Variants in MARCHF3 observed in about 807,000 individuals in gnomAD.
MARCHF3 encodes E3 ubiquitin-protein ligase MARCHF3.
MARCHF3 carries 13 observed loss-of-function variants against 24.2 expected under a neutral mutation model. The observed-to-expected ratio is 0.54, with a 90% confidence interval of 0.35 to 0.85. MARCHF3 has a LOEUF of 0.85. Among genes scored for constraint, MARCHF3 ranks in the 40% least tolerant of loss-of-function variants. MARCHF3 has a pLI of 0.01. For synonymous variants in MARCHF3, 144 were observed against 137.3 expected (o/e 1.05, Z -0.34); for missense variants, 276 against 325.0 (o/e 0.85, Z 1.16).
In MARCHF3 at chr5:126,922,710, C is replaced by T. The variant is rs1749159041; in HGVS notation, c.-56-4483G>A. Among the ~76,000 whole-genome samples, 3 of 151,954 alleles carry T rather than the reference C, an allele frequency of 2.0e-5. No individual in the cohort carries two copies. The South Asian group carries it at 6.2e-4, about 32-fold the overall frequency. On this transcript the variant is annotated intron_variant, in intron 1 of 4. Transcript: ENST00000308660. ...TACAGGTGCATGCCACCATGCCTGG[C>T]TAATTTTTTATATTTTTAGTAGAGA...
chr5:126,909,592 G>T (rs1013181228), intron 3 of MARCHF3, among the ~76,000 whole-genome samples: 2 of 152,264 alleles, frequency 1.3e-5, no homozygotes, highest in Admixed American at 6.5e-5. Context: ...TCCAGGTGTC[G>T]TCTGTCACCA....
chr5:126,918,503 T>C (rs948043641), intron 1 of MARCHF3, among the ~76,000 whole-genome samples: 9 of 152,218 alleles, frequency 5.9e-5, no homozygotes, highest in African/African-American at 1.9e-4. Context: ...GACAGAATGA[T>C]GACTCTGAGG....
intron 3 of MARCHF3, among the ~76,000 whole-genome samples, chr5:126,879,688 G>T (rs1039108713): frequency 3.9e-5 from 6 of 152,180 alleles, no homozygotes; most frequent in African/African-American, 1.4e-4. Context: ...GAGTAATGAG[G>T]CCTGATAGCT....
At chr5:126,984,161 C>G (rs1751485006) in intron 1 of MARCHF3, among the ~76,000 whole-genome samples, 1 of 152,084 alleles carries the variant, frequency 6.6e-6, no homozygotes, top group Admixed American at 6.6e-5. Flanking sequence ...CCATGCCATT[C>G]CCTGAGAAGG....
intron 3 of MARCHF3, among the ~76,000 whole-genome samples, chr5:126,893,655 C>T (rs369096945): frequency 6.8e-6 from 1 of 147,324 alleles, no homozygotes; most frequent in Non-Finnish European, 1.5e-5. Context: ...GTCTGAGAGA[C>T]AGTTTGTTAT....
chr5:126,957,095 A>G (rs1750474781), intron 1 of MARCHF3, among the ~76,000 whole-genome samples: 1 of 152,136 alleles, frequency 6.6e-6, no homozygotes, highest in African/African-American at 2.4e-5. Flanking sequence ...TTTTTTTGAC[A>G]TAAACATTTT....
At chr5:127,004,058 C>T (rs1752225865) in intron 1 of MARCHF3, among the ~76,000 whole-genome samples, 1 of 152,150 alleles carries the variant, frequency 6.6e-6, no homozygotes, top group South Asian at 2.1e-4. Context: ...ATGTCCTGGG[C>T]AAGGCAGCTC....
intron 1 of MARCHF3, among the ~76,000 whole-genome samples, chr5:126,928,273 A>T (rs1374082800): frequency 1.3e-5 from 2 of 152,218 alleles, no homozygotes; most frequent in East Asian, 3.9e-4. Flanking sequence ...ATGTAGCCAG[A>T]TAAGTCCCAG....
intron 1 of MARCHF3, among the ~76,000 whole-genome samples, chr5:127,010,222 A>T (rs564732185): frequency 3.9e-5 from 6 of 152,226 alleles, no homozygotes; most frequent in African/African-American, 7.2e-5. Context: ...AACCAATTTC[A>T]TAAGGTGGTA....
intron 1 of MARCHF3, among the ~76,000 whole-genome samples, chr5:126,999,427 T>C (rs997769574): frequency 2.0e-5 from 3 of 152,214 alleles, no homozygotes; most frequent in Non-Finnish European, 4.4e-5. Flanking sequence ...CCTGGATGGC[T>C]TGACCCAGCT....
chr5:126,890,891 T>A (rs1180513054), intron 3 of MARCHF3, among the ~76,000 whole-genome samples: 1 of 148,340 alleles, frequency 6.7e-6, no homozygotes, highest in African/African-American at 2.6e-5. Flanking sequence ...TGAACTAGTT[T>A]ACAGTCCCAC....
chr5:126,994,762 G>T (rs1340730637), intron 1 of MARCHF3, among the ~76,000 whole-genome samples: 3 of 152,194 alleles, frequency 2.0e-5, no homozygotes, highest in African/African-American at 2.4e-5. Flanking sequence ...TCCCATGATA[G>T]GCTGTCTGCA....
intron 1 of MARCHF3, among the ~76,000 whole-genome samples, chr5:126,929,023 T>G (rs1333250283): frequency 3.3e-5 from 5 of 152,316 alleles, no homozygotes; most frequent in African/African-American, 1.2e-4. Context: ...CAAAAAATCT[T>G]TTGGTTGGTT....
chr5:126,974,388 C>G (rs73786246), intron 1 of MARCHF3, among the ~76,000 whole-genome samples: 7,846 of 152,254 alleles, frequency 0.052, 374 homozygotes, highest in South Asian at 0.14. Context: ...CAGAAGCCTC[C>G]CCAGTGTGTC....
intron 1 of MARCHF3, among the ~76,000 whole-genome samples, chr5:126,971,841 C>T (rs1751025503): frequency 6.6e-6 from 1 of 152,196 alleles, no homozygotes; most frequent in African/African-American, 2.4e-5. Context: ...GGTAATACTG[C>T]ATTTGCACAG....
Position 127,005,133 on chromosome 5 carries a change from C to CTTTTT in MARCHF3, c.-57+25212_-57+25216dup, listed in dbSNP as rs937505290. Among the ~76,000 whole-genome samples the CTTTTT allele has an allele frequency of 1.9e-4, 23 of 122,548 alleles. 1 individual carries two copies. Among genetic ancestry groups the CTTTTT allele is most frequent in the South Asian group, 5.4e-4 (2 of 3,680 alleles). The allele number at this position is 122,548 out of a possible 152,430, so 80.4% of individuals were successfully genotyped here. On this transcript the variant is annotated intron_variant, in intron 1 of 4. Transcript: ENST00000308660. ...GGAATGACATACATGCTCAGAAAGT[C>CTTTTT]TTTTTTTTTTTTTTTTTTTTTGAGA...
chr5:127,026,028 G>A (rs1398929644), intron 1 of MARCHF3, among the ~76,000 whole-genome samples: 1 of 149,554 alleles, frequency 6.7e-6, no homozygotes, highest in African/African-American at 2.5e-5. Context: ...ATAAGGGTAA[G>A]AAAAGAAGCA....
rs1473422664 is a variant in MARCHF3, at chr5:127,030,350, C to CG, written c.-58dup. The CG allele has an allele frequency of 6.6e-6, 1 of 152,196 alleles. No individual in the cohort carries two copies. The highest frequency in any genetic ancestry group is 1.5e-5 in the Non-Finnish European group (1 of 68,026). The allele number at this position is 152,196 out of a possible 1,614,324, so 9.4% of individuals were successfully genotyped here. On this transcript the variant is annotated splice_region_variant and 5_prime_UTR_variant, in exon 1 of 5. The change creates a premature stop within an existing upstream ORF in the 5' untranslated region. Transcript: ENST00000308660. The stretch of plus-strand genomic sequence containing the variant: ...GCTAGCCCGGCGCGCGGCCACTCAC[C>CG]GTCCTCGCCGAGTCCCGATAGCAAA...
chr5:127,027,614 C>T (rs953595566), intron 1 of MARCHF3, among the ~76,000 whole-genome samples: 1 of 152,124 alleles, frequency 6.6e-6, no homozygotes, highest in Non-Finnish European at 1.5e-5. Flanking sequence ...AGGCAGACTT[C>T]CTTAGAATCA....
Sources: gnomAD v4.1 joint callset for allele counts (sites outside exome capture counted in the v4.1 genomes callset) on GRCh38, gnomAD v4.1.1 for gene constraint, MANE v1.5 for transcripts, NCBI Gene and HGNC (gene_info 2026-07-23, HGNC 2026-07-21) for gene names.